BPIFC: variants seen among roughly 807,000 people sequenced by gnomAD.
The protein encoded by BPIFC is BPI fold containing family C.
BPIFC carries 60 observed loss-of-function variants against 57.6 expected under a neutral mutation model. That is an observed-to-expected ratio of 1.04 (90% CI 0.85 to 1.29). The LOEUF is 1.29. Among genes scored for constraint, BPIFC ranks in the 50% most tolerant of loss-of-function variants. The pLI, the probability that BPIFC is intolerant of heterozygous loss-of-function variation, is 0.00. For synonymous variants in BPIFC, 243 were observed against 224.5 expected (o/e 1.08, Z -0.74); for missense variants, 581 against 600.5 (o/e 0.97, Z 0.34).
At chr22:32,449,338 A>G (rs1934822085) in intron 4 of BPIFC, among the ~76,000 whole-genome samples, 1 of 152,268 alleles carries the variant, frequency 6.6e-6, no homozygotes, top group Non-Finnish European at 1.5e-5. Flanking sequence ...TCATTTGTGT[A>G]TAATTACTGC....
In BPIFC at chr22:32,451,182, G is replaced by A. The variant is rs149918010; in HGVS notation, c.245+2201C>T. Among the ~76,000 whole-genome samples the A allele has an allele frequency of 6.6e-3, 1,011 of 152,184 alleles. 11 individuals are homozygous for A. The highest frequency in any genetic ancestry group is 0.023 in the African/African-American group (941 of 41,536). The stretch of plus-strand genomic sequence containing the variant: ...AATACCTGTTTCCAGCTTCATCCAC[G>A]TCCCTACAAAGGACATGAACTCATC... On this transcript the variant is annotated intron_variant, in intron 4 of 16. Coordinates refer to ENST00000300399, the MANE Select transcript of BPIFC (RefSeq NM_174932.3).
intron 13 of BPIFC, among the ~76,000 whole-genome samples, chr22:32,426,620 G>A (rs569371410): frequency 3.9e-5 from 6 of 152,252 alleles, no homozygotes; most frequent in Admixed American, 1.3e-4. Context: ...GACCAGGCAC[G>A]GTGGCTCACG....
At chr22:32,443,703 C>T (rs1204680114) in intron 7 of BPIFC, among the ~76,000 whole-genome samples, 1 of 152,156 alleles carries the variant, frequency 6.6e-6, no homozygotes, top group Non-Finnish European at 1.5e-5. Flanking sequence ...GGGTTGAATC[C>T]CTTGGCAAGT....
At chr22:32,462,629 T>C (rs1935190474) in intron 1 of BPIFC, among the ~76,000 whole-genome samples, 1 of 152,192 alleles carries the variant, frequency 6.6e-6, no homozygotes, top group Non-Finnish European at 1.5e-5. Context: ...CACGTGGACA[T>C]GGAGGCTTAG....
chr22:32,424,988 G>T (rs1233336285), intron 13 of BPIFC, among the ~76,000 whole-genome samples: 1 of 151,796 alleles, frequency 6.6e-6, no homozygotes, highest in Non-Finnish European at 1.5e-5. Context: ...CACCATGTTG[G>T]CCAGGCTGGT....
chr22:32,420,355 T>TCTGAACTCAGCCTCAGCCTTGTAACTTCC (rs1933812310), intron 13 of BPIFC, among the ~76,000 whole-genome samples: 4 of 151,348 alleles, frequency 2.6e-5, no homozygotes. Flanking sequence ...GGTTTCTGGC[T>TCTGAACTCAGCCTCAGCCTTGTAACTTCC]CTGAACTCAG....
At position 32,419,415 on chromosome 22, in the gene BPIFC, A is replaced by T. The variant is rs1449659401; in HGVS notation, c.1218-11T>A. On this transcript the variant is annotated splice_polypyrimidine_tract_variant and intron_variant, in intron 13 of 16. Coordinates refer to ENST00000300399, the MANE Select transcript of BPIFC (RefSeq NM_174932.3). ...AAAGCAAGGCGGAATCTAAAAGAAA[A>T]CAAGAAAAGTTTAAAGGATTTGAAA... is the stretch of plus-strand genomic sequence containing the variant. 5 of 1,612,570 alleles carry T rather than the reference A, an allele frequency of 3.1e-6. No individual in the cohort carries two copies. The East Asian group carries it at 8.9e-5, about 29-fold the overall frequency.
intron 11 of BPIFC, 83 bp downstream of exon 11, chr22:32,433,636 G>T: frequency 1.6e-6 from 2 of 1,219,708 alleles, no homozygotes; most frequent in Admixed American, 1.8e-5. Flanking sequence ...ATCCAAAAAG[G>T]AATACGTAGA....
In BPIFC at chr22:32,442,409, C is replaced by T. The variant is rs149095372; in HGVS notation, c.655+262G>A. Among the ~76,000 whole-genome samples the T allele has an allele frequency of 1.1e-3, 174 of 152,202 alleles. 2 individuals carry two copies. Among genetic ancestry groups the T allele is most frequent in the African/African-American group, 3.9e-3 (162 of 41,528 alleles). On this transcript the variant is annotated intron_variant, in intron 8 of 16. Coordinates refer to ENST00000300399, the MANE Select transcript of BPIFC (RefSeq NM_174932.3). ...TAATGTCACTGCTTGGGTTCGTGCTCGTGAGGGTTTAGTTCCTGAACCTAC... is the reference window on the plus strand; with the variant it reads ...TAATGTCACTGCTTGGGTTCGTGCTTGTGAGGGTTTAGTTCCTGAACCTAC...
intron 8 of BPIFC, among the ~76,000 whole-genome samples, chr22:32,442,293 AGGACTTGATGCTCAG>A: frequency 6.6e-6 from 1 of 152,314 alleles, no homozygotes; most frequent in Admixed American, 6.5e-5. Flanking sequence ...CTAAGGTGCG[AGGACTTGATGCTCAG>A]GGCAGCCACT....
chr22:32,444,827 A>C (rs1934670413), intron 7 of BPIFC, among the ~76,000 whole-genome samples: 2 of 152,222 alleles, frequency 1.3e-5, no homozygotes, highest in Non-Finnish European at 1.5e-5. Flanking sequence ...TATTTCTTCA[A>C]AATTTTCCAT....
In BPIFC at chr22:32,442,746, A is replaced by T; in HGVS notation, c.595-15T>A. The T allele has an allele frequency of 1.2e-6, 2 of 1,612,346 alleles. No homozygotes were observed. Among genetic ancestry groups the T allele is most frequent in the Non-Finnish European group, 1.7e-6 (2 of 1,179,058 alleles). ...ATGGGACAGAGCTGGCCACAAAGGAATAAAAAGAAAAAAGCAAGTTACCAT... is the reference window on the plus strand; with the variant it reads ...ATGGGACAGAGCTGGCCACAAAGGATTAAAAAGAAAAAAGCAAGTTACCAT... On this transcript the variant is annotated splice_polypyrimidine_tract_variant and intron_variant, in intron 7 of 16. Transcript: ENST00000300399.
rs1569447972 is a variant in BPIFC, at chr22:32,424,653, CTTCTTCTTCT to C, written c.1218-5259_1218-5250del. Among the ~76,000 whole-genome samples the C allele has an allele frequency of 5.5e-4, 34 of 61,546 alleles. 1 individual carries two copies. Among genetic ancestry groups the C allele is most frequent in the African/African-American group, 3.3e-3 (28 of 8,480 alleles). 40.4% of individuals were successfully genotyped at this position (61,546 alleles called of 152,430 possible). A position where few individuals can be genotyped will look rare whatever the true frequency, so the allele number is the denominator to read the frequency against. On this transcript the variant is annotated intron_variant, in intron 13 of 16. Coordinates refer to ENST00000300399, the MANE Select transcript of BPIFC (RefSeq NM_174932.3). ...CTCTTCTTCTTCTTCTCTTCTTCTT[CTTCTTCTTCT>C]TCTTCTTCTTCTTCTTCTTCTTCTT...
rs894187111 is a variant in BPIFC, at chr22:32,457,265, T to C, written c.122A>G (p.Tyr41Cys). The change falls in exon 3 of 17, where the codon TAT (tyrosine) becomes TGT (cysteine). Residue 41 changes from tyrosine (Y) to cysteine (C), a missense_variant and splice_region_variant. Transcript: ENST00000300399. ...GCTTCTGAAAACATCCAACTCACCA[T>C]AGTCAAGTGCCCTCTGAGTAATCCT... ...KARITQRALDYGVQAGMKMIE... is the reference protein window; with the variant it reads ...KARITQRALDCGVQAGMKMIE... 8 of 1,597,262 alleles carry C rather than the reference T, an allele frequency of 5.0e-6. No individual in the cohort carries two copies. Among genetic ancestry groups the C allele is most frequent in the Admixed American group, 3.8e-5 (2 of 52,854 alleles).
intron 10 of BPIFC, among the ~76,000 whole-genome samples, chr22:32,435,483 C>T (rs551065210): frequency 2.1e-4 from 32 of 152,214 alleles, no homozygotes; most frequent in African/African-American, 6.7e-4. Context: ...TGACAAAATC[C>T]GAAATCCAGA....
Position 32,456,405 on chromosome 22 carries a change from T to TTCCC in BPIFC, c.124+854_124+857dup, listed in dbSNP as rs1935038351. Among the ~76,000 whole-genome samples, 9 of 132,890 alleles carry TTCCC rather than the reference T, an allele frequency of 6.8e-5. 1 individual carries two copies. The South Asian group carries it at 2.4e-3, about 36-fold the overall frequency. 87.2% of individuals were successfully genotyped at this position (132,890 alleles called of 152,430 possible). ...CTTCCCTCTCTCCCTCCCTCCCTCC[T>TTCCC]TCCCTCCCTCCCTCAATCCTTCTTT... On this transcript the variant is annotated intron_variant, in intron 3 of 16. Transcript: ENST00000300399.
intron 4 of BPIFC, among the ~76,000 whole-genome samples, chr22:32,452,688 T>C (rs533718986): frequency 3.3e-5 from 5 of 152,090 alleles, no homozygotes; most frequent in Admixed American, 6.6e-5. Context: ...TTATAGAATA[T>C]TATCATTGAC....
At chr22:32,456,424 C>CTTCT (rs200212878) in intron 3 of BPIFC, among the ~76,000 whole-genome samples, 1 of 142,636 alleles carries the variant, frequency 7.0e-6, no homozygotes, top group Non-Finnish European at 1.5e-5. Context: ...TCCCTCAATC[C>CTTCT]TTCTTTCTTT....
At chr22:32,449,228 GT>G (rs1019250203) in intron 4 of BPIFC, among the ~76,000 whole-genome samples, 73 of 152,310 alleles carry the variant, frequency 4.8e-4, no homozygotes, top group African/African-American at 1.7e-3. Flanking sequence ...TTGGAGCCAA[GT>G]TTAGTACCAG....
Sources: allele counts gnomAD v4.1 joint callset (sites outside exome capture counted in the v4.1 genomes callset), GRCh38; gene constraint gnomAD v4.1.1; transcripts MANE v1.5; gene names NCBI Gene and HGNC (gene_info 2026-07-23, HGNC 2026-07-21).